FOXP1: variants seen among roughly 807,000 people sequenced by gnomAD.
FOXP1 encodes forkhead box protein P1.
In FOXP1, 15 loss-of-function variants were observed where a neutral mutation model predicts 98.2. That is an observed-to-expected ratio of 0.15 (90% CI 0.10 to 0.24). FOXP1 has a LOEUF of 0.24. Among genes scored for constraint, FOXP1 ranks in the 10% least tolerant of loss-of-function variants. The pLI, the probability that FOXP1 is intolerant of heterozygous loss-of-function variation, is 1.00. For synonymous variants in FOXP1, 371 were observed against 314.5 expected, an observed-to-expected ratio of 1.18 and a Z score of -1.90; for missense variants, 633 against 848.5, an observed-to-expected ratio of 0.75 and a Z score of 3.15.
chr3:71,516,903 C>T (rs1329047817), intron 2 of FOXP1, among the ~76,000 whole-genome samples: 1 of 152,160 alleles, frequency 6.6e-6, no homozygotes, highest in East Asian at 1.9e-4. Flanking sequence ...CTTAGCCAAT[C>T]GACACATACG....
chr3:71,469,503 A>T (rs1327458284), intron 3 of FOXP1, among the ~76,000 whole-genome samples: 2 of 152,226 alleles, frequency 1.3e-5, no homozygotes, highest in Non-Finnish European at 1.5e-5. Context: ...TTCCATTTTA[A>T]TTGAGGAAAG....
At chr3:71,413,731 C>A (rs11128214) in intron 3 of FOXP1, among the ~76,000 whole-genome samples, 6 of 151,930 alleles carry the variant, frequency 3.9e-5, no homozygotes, top group African/African-American at 1.5e-4. Flanking sequence ...ACAGCATGTA[C>A]GGTATGACCT....
rs144226924 is a variant in FOXP1 at position 71,198,463 on chromosome 3, T to A, written c.-11-71A>T. On this transcript the variant is annotated intron_variant, in intron 5 of 20. Coordinates refer to ENST00000649528, the MANE Select transcript of FOXP1 (RefSeq NM_001349338.3). ...AAAAAAGCAGCTGTTAAAGCAGTTG[T>A]TGTGCATAAGGAGAAGGGCCTTGGT... 5.0e-4 allele frequency: 678 copies of A among 1,362,662 alleles called. 6 individuals carry two copies. The African/African-American group carries it at 8.5e-3, about 17-fold the overall frequency. The allele number at this position is 1,362,662 out of a possible 1,614,324, so 84.4% of individuals were successfully genotyped here. A position where few individuals can be genotyped will look rare whatever the true frequency, so the allele number is the denominator to read the frequency against.
chr3:71,494,759 A>G (rs972127261), intron 2 of FOXP1, among the ~76,000 whole-genome samples: 4 of 152,134 alleles, frequency 2.6e-5, no homozygotes, highest in African/African-American at 9.7e-5. Flanking sequence ...CTGCATTTCT[A>G]GAAAACTACC....
chr3:71,439,581 T>C (rs76095045), intron 3 of FOXP1, among the ~76,000 whole-genome samples: 7,568 of 152,206 alleles, frequency 0.05, 609 homozygotes, highest in African/African-American at 0.17. Flanking sequence ...GTGGTGGCAA[T>C]CCAAGTGTCC....
At chr3:71,233,270 G>A (rs1429104494) in intron 5 of FOXP1, among the ~76,000 whole-genome samples, 2 of 149,640 alleles carry the variant, frequency 1.3e-5, no homozygotes, top group Non-Finnish European at 3.0e-5. Context: ...GGAGGAGAGA[G>A]GAGGGGAGGG....
chr3:71,310,522 TTC>T (rs1213472004), intron 4 of FOXP1, among the ~76,000 whole-genome samples: 3 of 152,188 alleles, frequency 2.0e-5, no homozygotes, highest in African/African-American at 7.2e-5. Flanking sequence ...CAGGCAAGAG[TTC>T]TCAGTCAGAA....
At chr3:71,220,789 A>G (rs1184068251) in intron 5 of FOXP1, among the ~76,000 whole-genome samples, 1 of 151,262 alleles carries the variant, frequency 6.6e-6, no homozygotes, top group Non-Finnish European at 1.5e-5. Context: ...AAATAAAATA[A>G]AAGATTATGA....
chr3:71,205,415 T>C lies in FOXP1; in HGVS notation c.-11-7023A>G, dbSNP rs765517487. Among the ~76,000 whole-genome samples, 193 of 152,338 alleles carry C rather than the reference T, an allele frequency of 1.3e-3. 1 individual carries two copies. The highest frequency in any genetic ancestry group is 1.8e-3 in the Non-Finnish European group (125 of 68,034). On this transcript the variant is annotated intron_variant, in intron 5 of 20. Transcript: ENST00000649528. ...TATCAACTTTATCATGCACCATAGA[T>C]GTCTATCTACATGTATCTTTAAAAA...
Position 71,197,889 on chromosome 3 carries a change from A to G in FOXP1, c.180+313T>C, listed in dbSNP as rs190877438. 303 of 1,614,174 alleles carry G rather than the reference A, an allele frequency of 1.9e-4. 1 individual carries two copies. The Admixed American group carries it at 4.9e-3, about 26-fold the overall frequency. ...TGAAAGCAGTGGGAACCATTTCTCC[A>G]AAGAATAATTTTATTCAAAATGGGG... On this transcript the variant is annotated intron_variant, in intron 6 of 20. Transcript: ENST00000649528.
chr3:71,133,692 C>T (rs1043784663), intron 6 of FOXP1, among the ~76,000 whole-genome samples: 7 of 151,686 alleles, frequency 4.6e-5, no homozygotes, highest in African/African-American at 1.7e-4. Flanking sequence ...AAAAAAAGGA[C>T]ACACAACAAA....
intron 3 of FOXP1, among the ~76,000 whole-genome samples, chr3:71,448,020 A>G (rs2086606464): frequency 1.3e-5 from 2 of 152,160 alleles, no homozygotes; most frequent in African/African-American, 4.8e-5. Flanking sequence ...CACACCACAC[A>G]TCAGATAGTG....
chr3:71,507,209 A>G (rs1443507794), intron 2 of FOXP1, among the ~76,000 whole-genome samples: 1 of 152,194 alleles, frequency 6.6e-6, no homozygotes, highest in Non-Finnish European at 1.5e-5. Context: ...AAATAGAAAC[A>G]GGTACTCTCA....
At chr3:71,014,099 G>T (rs990870713) in intron 12 of FOXP1, among the ~76,000 whole-genome samples, 1 of 152,130 alleles carries the variant, frequency 6.6e-6, no homozygotes, top group African/African-American at 2.4e-5. Flanking sequence ...CATGGGCAAG[G>T]ACTTCATGAC....
intron 3 of FOXP1, among the ~76,000 whole-genome samples, chr3:71,374,453 T>C (rs1331764864): frequency 1.3e-5 from 2 of 151,796 alleles, no homozygotes; most frequent in East Asian, 3.9e-4. Flanking sequence ...ATTAGCTGGG[T>C]ATGGTGGCAC....
intron 6 of FOXP1, among the ~76,000 whole-genome samples, chr3:71,165,754 T>C (rs1041601419): frequency 6.6e-6 from 1 of 151,994 alleles, no homozygotes; most frequent in African/African-American, 2.4e-5. Context: ...CCCAGAGGCA[T>C]CCGAGACAAC....
intron 6 of FOXP1, among the ~76,000 whole-genome samples, chr3:71,145,609 T>G (rs1336430017): frequency 2.6e-5 from 4 of 152,222 alleles, no homozygotes; most frequent in Non-Finnish European, 4.4e-5. Context: ...AGCATCACTT[T>G]ATATTCCCAC....
chr3:71,124,549 A>T (rs957336987), intron 6 of FOXP1, among the ~76,000 whole-genome samples: 1 of 151,916 alleles, frequency 6.6e-6, no homozygotes, highest in African/African-American at 2.4e-5. Flanking sequence ...TCACTATTAC[A>T]ATTGATACTT....
At chr3:71,190,212 C>G (rs2062880821) in intron 6 of FOXP1, among the ~76,000 whole-genome samples, 1 of 152,156 alleles carries the variant, frequency 6.6e-6, no homozygotes, top group Non-Finnish European at 1.5e-5. Context: ...TCTTCGGGAT[C>G]TAGCTAAGTA....
Sources: gnomAD v4.1 joint callset for allele counts (sites outside exome capture counted in the v4.1 genomes callset) on GRCh38, gnomAD v4.1.1 for gene constraint, MANE v1.5 for transcripts, NCBI Gene and HGNC (gene_info 2026-07-23, HGNC 2026-07-21) for gene names.